The following ARMH4 variants were observed in gnomAD, a reference collection of about 807,000 sequenced individuals.
ARMH4 encodes the protein armadillo like helical domain containing 4.
ARMH4 carries 49 observed loss-of-function variants against 61.9 expected under a neutral mutation model. That is an observed-to-expected ratio of 0.79 (90% CI 0.63 to 1.00). ARMH4 has a LOEUF of 1.00. Ranked by LOEUF, ARMH4 falls within the 50% of genes least tolerant of loss-of-function variation. ARMH4 has a pLI of 0.00. For missense variants in ARMH4, 934 were observed against 930.0 expected, an observed-to-expected ratio of 1.00 and a Z score of -0.06; for synonymous variants, 368 against 341.5, an observed-to-expected ratio of 1.08 and a Z score of -0.85.
intron 5 of ARMH4, among the ~76,000 whole-genome samples, chr14:58,089,487 T>A (rs145529082): frequency 6.6e-6 from 1 of 152,210 alleles, no homozygotes; most frequent in East Asian, 1.9e-4. Flanking sequence ...CTTCCCACAC[T>A]TAGGCTGCAA....
chr14:58,019,816 T>TA (rs950260170), intron 5 of ARMH4, among the ~76,000 whole-genome samples: 3 of 151,910 alleles, frequency 2.0e-5, no homozygotes, highest in Non-Finnish European at 4.4e-5. Flanking sequence ...AAATATAATT[T>TA]AAAAAAATAA....
In ARMH4 at chr14:58,004,770, A is replaced by G. The variant is rs1349545454; in HGVS notation, c.2291T>C (p.Met764Thr). The change falls in exon 8 of 8, where the codon ATG becomes ACG. Residue 764 changes from methionine to threonine, a missense_variant. Met to Thr is a moderately conservative substitution (Grantham distance 81, BLOSUM62 -1). Transcript: ENST00000267485. ...ATCTTCAGAGCTGTCGGCTAAGAGC[A>G]TTACTCGATCTTGCATGCTGTTGAA... ...REFNSMQDRV[M>T]LLADSSEDEF is the part of the protein sequence containing the mutation. The G allele has an allele frequency of 1.2e-6, 2 of 1,611,866 alleles. No homozygotes were observed.
At chr14:58,111,219 T>C (rs1015540041) in intron 4 of ARMH4, among the ~76,000 whole-genome samples, 3 of 152,126 alleles carry the variant, frequency 2.0e-5, no homozygotes, top group Non-Finnish European at 2.9e-5. Flanking sequence ...TTGAATACAA[T>C]ACATAAGAAG....
chr14:58,151,776 G>C (rs1226774547), intron 1 of ARMH4, among the ~76,000 whole-genome samples: 2 of 152,258 alleles, frequency 1.3e-5, no homozygotes, highest in Non-Finnish European at 2.9e-5. Context: ...CCAGCACAAA[G>C]GCCGGCTCGC....
chr14:58,129,915 G>A (rs981754897), intron 4 of ARMH4, among the ~76,000 whole-genome samples: 1 of 152,180 alleles, frequency 6.6e-6, no homozygotes, highest in Admixed American at 6.5e-5. Context: ...TTATCAAAAA[G>A]TAGCAAAATT....
intron 5 of ARMH4, among the ~76,000 whole-genome samples, chr14:58,077,550 T>C (rs989432160): frequency 9.9e-5 from 15 of 152,136 alleles, no homozygotes; most frequent in South Asian, 2.1e-4. Context: ...AAGGTTGTAA[T>C]GAGATGTGTT....
rs776359679 is a variant in ARMH4, at chr14:58,002,998, T to C, written c.*1738A>G. On this transcript the variant is annotated 3_prime_UTR_variant, in exon 8 of 8. Coordinates refer to ENST00000267485, the MANE Select transcript of ARMH4 (RefSeq NM_001001872.4). ...AACGGATTCTAGGAAGGTTTATTAG[T>C]TCCATAGAGGTGATACTCAAATGTA... 2.6e-5 allele frequency: 4 copies of C among 152,102 alleles called. No homozygotes were observed. Among genetic ancestry groups the C allele is most frequent in the Non-Finnish European group, 5.9e-5 (4 of 68,030 alleles). The allele number at this position is 152,102 out of a possible 1,614,324, so 9.4% of individuals were successfully genotyped here. A position where few individuals can be genotyped will look rare whatever the true frequency, so the allele number is the denominator to read the frequency against.
intron 5 of ARMH4, among the ~76,000 whole-genome samples, chr14:58,079,671 G>T (rs1885157331): frequency 6.6e-6 from 1 of 152,166 alleles, no homozygotes; most frequent in Admixed American, 6.5e-5. Context: ...TGTAAAAGTA[G>T]GTATTCAATA....
In ARMH4 at chr14:58,133,250, A is replaced by T; in HGVS notation, c.1461T>A (p.Leu487=). 6.2e-7 allele frequency: 1 copy of T among 1,614,146 alleles called. No homozygotes were observed. Among genetic ancestry groups the T allele is most frequent in the South Asian group, 1.1e-5 (1 of 91,076 alleles). The part of the protein sequence containing the change: ...VTQEQVATLE[L]IRDSGKTEEE... ...CCTCAGTCTTGCCACTGTCTCTGATAAGCTCGAGGGTAGCAACCTGCTCTT... is the reference window on the plus strand; with the variant it reads ...CCTCAGTCTTGCCACTGTCTCTGATTAGCTCGAGGGTAGCAACCTGCTCTT... Residue 487 remains leucine (L), a synonymous_variant, in exon 3 of 8, where the codon CTT becomes CTA. Transcript: ENST00000267485.
chr14:58,058,413 A>G (rs1281814548), intron 5 of ARMH4, among the ~76,000 whole-genome samples: 1 of 152,180 alleles, frequency 6.6e-6, no homozygotes, highest in African/African-American at 2.4e-5. Flanking sequence ...AGCAGGCCCA[A>G]GGGTTGCTGC....
At chr14:58,065,494 G>A (rs79446064) in intron 5 of ARMH4, among the ~76,000 whole-genome samples, 3,363 of 152,282 alleles carry the variant, frequency 0.022, 56 homozygotes, top group Middle Eastern at 0.054. Flanking sequence ...GCATACCCTC[G>A]ACAGAGCTTC....
At chr14:58,091,651 G>A (rs948147945) in intron 5 of ARMH4, among the ~76,000 whole-genome samples, 9 of 152,190 alleles carry the variant, frequency 5.9e-5, no homozygotes, top group Non-Finnish European at 1.3e-4. Flanking sequence ...CTTTAAAGAT[G>A]ATAATTGTGT....
intron 4 of ARMH4, among the ~76,000 whole-genome samples, chr14:58,121,879 G>C (rs752412031): frequency 5.3e-5 from 8 of 152,148 alleles, no homozygotes; most frequent in Non-Finnish European, 1.2e-4. Context: ...TGTTTCATGT[G>C]TTCGTGTTAA....
At chr14:58,111,878 G>A (rs1886365833) in intron 4 of ARMH4, among the ~76,000 whole-genome samples, 1 of 151,864 alleles carries the variant, frequency 6.6e-6, no homozygotes, top group African/African-American at 2.4e-5. Context: ...ATTTTTTGTA[G>A]GGATTAGGGT....
At chr14:58,116,989 T>TC (rs1422086998) in intron 4 of ARMH4, among the ~76,000 whole-genome samples, 1 of 152,202 alleles carries the variant, frequency 6.6e-6, no homozygotes, top group Non-Finnish European at 1.5e-5. Context: ...TTTCGCTCTG[T>TC]CACCCAGGCT....
At chr14:58,099,462 G>T (rs1760163001) in intron 4 of ARMH4, among the ~76,000 whole-genome samples, 1 of 152,138 alleles carries the variant, frequency 6.6e-6, no homozygotes, top group Non-Finnish European at 1.5e-5. Context: ...GAGACTGAGG[G>T]TGTCCCTCTG....
At chr14:58,021,484 G>A (rs1882828698) in intron 5 of ARMH4, among the ~76,000 whole-genome samples, 1 of 152,172 alleles carries the variant, frequency 6.6e-6, no homozygotes, top group African/African-American at 2.4e-5. Context: ...TTCTTTGTAA[G>A]TTGCACTGTC....
chr14:58,017,862 A>G (rs1282057100), intron 5 of ARMH4, among the ~76,000 whole-genome samples: 1 of 152,206 alleles, frequency 6.6e-6, no homozygotes, highest in African/African-American at 2.4e-5. Flanking sequence ...TGGAGGCATC[A>G]AAGTACCTAA....
intron 5 of ARMH4, among the ~76,000 whole-genome samples, chr14:58,017,351 G>T (rs933648530): frequency 6.6e-6 from 1 of 152,078 alleles, no homozygotes; most frequent in Admixed American, 6.6e-5. Flanking sequence ...GTCGCTGTTT[G>T]CAGATGACAT....
Sources: allele counts gnomAD v4.1 joint callset (sites outside exome capture counted in the v4.1 genomes callset), GRCh38; gene constraint gnomAD v4.1.1; transcripts MANE v1.5; gene names NCBI Gene and HGNC (gene_info 2026-07-23, HGNC 2026-07-21).